Variants in TLK1 observed in about 807,000 individuals in gnomAD.
The protein encoded by TLK1 is tousled like kinase 1.
TLK1 carries 24 observed loss-of-function variants against 105.3 expected under a neutral mutation model. That is an observed-to-expected ratio of 0.23 (90% CI 0.17 to 0.32). The LOEUF (loss-of-function observed/expected upper bound fraction) is 0.32, where lower values mean the gene tolerates loss of function less well. Ranked by LOEUF, TLK1 falls within the 10% of genes least tolerant of loss-of-function variation. TLK1 has a pLI of 1.00. For missense variants in TLK1, 558 were observed against 910.5 expected, an observed-to-expected ratio of 0.61 and a Z score of 4.98; for synonymous variants, 321 against 310.4, an observed-to-expected ratio of 1.03 and a Z score of -0.36.
intron 4 of TLK1, among the ~76,000 whole-genome samples, chr2:171,058,476 G>A (rs1687603734): frequency 6.6e-6 from 1 of 152,066 alleles, no homozygotes; most frequent in Admixed American, 6.5e-5. Flanking sequence ...CTGCATCACT[G>A]ACAAACTAAC....
chr2:171,107,956 C>T (rs1689998644), intron 2 of TLK1, among the ~76,000 whole-genome samples: 1 of 151,728 alleles, frequency 6.6e-6, no homozygotes, highest in Non-Finnish European at 1.5e-5. Context: ...ACTCAGGAGG[C>T]TTACGCATGA....
At chr2:171,093,050 A>T (rs1431651849) in intron 2 of TLK1, among the ~76,000 whole-genome samples, 2 of 152,206 alleles carry the variant, frequency 1.3e-5, no homozygotes, top group African/African-American at 4.8e-5. Context: ...ACTCTTAAAA[A>T]TATATGCCAG....
intron 18 of TLK1, among the ~76,000 whole-genome samples, chr2:171,004,701 C>T (rs766435142): frequency 1.1e-4 from 17 of 152,138 alleles, no homozygotes; most frequent in Non-Finnish European, 2.1e-4. Context: ...TTCAAGCTAT[C>T]TTCCATGGAA....
At chr2:171,191,609 G>C (rs572090455) in intron 1 of TLK1, among the ~76,000 whole-genome samples, 2 of 152,204 alleles carry the variant, frequency 1.3e-5, no homozygotes, top group African/African-American at 4.8e-5. Context: ...CCATTTTCAG[G>C]CATCTCACAT....
At chr2:171,098,460 A>G (rs1271703092) in intron 2 of TLK1, among the ~76,000 whole-genome samples, 3 of 152,224 alleles carry the variant, frequency 2.0e-5, no homozygotes, top group Non-Finnish European at 4.4e-5. Flanking sequence ...AAGAAATAGT[A>G]GCAGTATAAT....
At chr2:171,210,506 G>T (rs1324137086) in intron 1 of TLK1, among the ~76,000 whole-genome samples, 2 of 151,836 alleles carry the variant, frequency 1.3e-5, no homozygotes, top group Admixed American at 6.6e-5. Context: ...CGAAAGAAAA[G>T]AATTTCGATT....
intron 7 of TLK1, 38 bp downstream of exon 7, chr2:171,055,045 T>C: frequency 8.2e-7 from 1 of 1,225,310 alleles, no homozygotes. Context: ...AATGGTTTCT[T>C]AGAAGCCATA....
chr2:171,133,702 A>G (rs1691194476), intron 1 of TLK1, among the ~76,000 whole-genome samples: 1 of 151,926 alleles, frequency 6.6e-6, no homozygotes, highest in Non-Finnish European at 1.5e-5. Context: ...AATGATGAAT[A>G]CAGGTTGAGT....
chr2:171,060,165 G>A (rs1029227514), intron 4 of TLK1, among the ~76,000 whole-genome samples: 20 of 152,120 alleles, frequency 1.3e-4, no homozygotes, highest in African/African-American at 4.6e-4. Flanking sequence ...TCTGTAGATG[G>A]CAGACCACAA....
chr2:171,105,687 GAA>G (rs939576869), intron 2 of TLK1, among the ~76,000 whole-genome samples: 1 of 145,558 alleles, frequency 6.9e-6, no homozygotes, highest in East Asian at 2.0e-4. Context: ...ACTCCGTCTC[GAA>G]AAAAAAAAGA....
At chr2:171,072,605 T>A (rs1688313088) in intron 3 of TLK1, among the ~76,000 whole-genome samples, 1 of 151,944 alleles carries the variant, frequency 6.6e-6, no homozygotes, top group Non-Finnish European at 1.5e-5. Context: ...TAAAAATACA[T>A]TTAAAAAAAA....
intron 1 of TLK1, among the ~76,000 whole-genome samples, chr2:171,186,449 T>C (rs1280489156): frequency 6.6e-6 from 1 of 152,224 alleles, no homozygotes; most frequent in African/African-American, 2.4e-5. Context: ...AAAGCCCTTG[T>C]CATTTAGTGT....
intron 1 of TLK1, among the ~76,000 whole-genome samples, chr2:171,149,566 C>G (rs538371174): frequency 3.3e-5 from 5 of 152,250 alleles, no homozygotes; most frequent in African/African-American, 1.2e-4. Flanking sequence ...GGGGGAAGAG[C>G]TTGCAAAGGG....
At chr2:171,082,676 G>T in intron 3 of TLK1, 105 bp downstream of exon 3, 1 of 910,766 alleles carries the variant, frequency 1.1e-6, no homozygotes, top group Non-Finnish European at 1.7e-6. Flanking sequence ...AACTTTAAAA[G>T]CATTAACCTT....
Position 171,139,283 on chromosome 2 carries a change from G to A in TLK1, c.139+21007C>T, listed in dbSNP as rs185192451. On this transcript the variant is annotated intron_variant, in intron 1 of 20. Transcript: ENST00000431350. ...AACTTAACTTACATTGGTACTAGCCGGTTGCCAAAAAAACTTAAAATAACA... is the reference window on the plus strand; with the variant it reads ...AACTTAACTTACATTGGTACTAGCCAGTTGCCAAAAAAACTTAAAATAACA... 5.4e-3 allele frequency among the ~76,000 whole-genome samples: 773 copies of A among 142,146 alleles called. 6 individuals are homozygous for A. Among genetic ancestry groups the A allele is most frequent in the African/African-American group, 0.018 (716 of 39,184 alleles). 93.3% of individuals were successfully genotyped at this position (142,146 alleles called of 152,430 possible). A position where few individuals can be genotyped will look rare whatever the true frequency, so the allele number is the denominator to read the frequency against.
intron 10 of TLK1, among the ~76,000 whole-genome samples, chr2:171,046,788 T>C (rs1359458382): frequency 6.6e-6 from 1 of 152,174 alleles, no homozygotes; most frequent in African/African-American, 2.4e-5. Flanking sequence ...GCTCAGTAAA[T>C]GTTTCTTGAA....
At chr2:171,029,865 C>G (rs1685955920) in intron 11 of TLK1, among the ~76,000 whole-genome samples, 1 of 151,038 alleles carries the variant, frequency 6.6e-6, no homozygotes, top group East Asian at 2.0e-4. Flanking sequence ...CCTACCTCAG[C>G]CTCCAGAGTA....
At chr2:171,086,066 A>G (rs936713322) in intron 2 of TLK1, among the ~76,000 whole-genome samples, 4 of 152,240 alleles carry the variant, frequency 2.6e-5, no homozygotes, top group Admixed American at 6.5e-5. Flanking sequence ...CATAATTCAC[A>G]GTATAAAGAT....
At chr2:171,156,770 C>G (rs1190912583) in intron 1 of TLK1, among the ~76,000 whole-genome samples, 3 of 152,184 alleles carry the variant, frequency 2.0e-5, no homozygotes, top group Admixed American at 6.5e-5. Flanking sequence ...TACTTTAATT[C>G]TTCTAAGGAA....
Sources: gnomAD v4.1 joint callset for allele counts (sites outside exome capture counted in the v4.1 genomes callset) on GRCh38, gnomAD v4.1.1 for gene constraint, MANE v1.5 for transcripts, NCBI Gene and HGNC (gene_info 2026-07-23, HGNC 2026-07-21) for gene names.